Variants in MBTPS1 observed in about 807,000 individuals in gnomAD.
MBTPS1 encodes the protein membrane-bound transcription factor site-1 protease.
MBTPS1 carries 94 observed loss-of-function variants against 127.8 expected under a neutral mutation model. The ratio of observed to expected loss-of-function variants is 0.74; its 90% confidence interval spans 0.62 to 0.87. The LOEUF is 0.87. MBTPS1 is among the 40% of genes least tolerant of loss of function. The probability of loss-of-function intolerance (pLI) is 0.00; values close to 1 mark genes in which losing one functional copy is unlikely to be tolerated. For synonymous variants in MBTPS1, 632 were observed against 509.4 expected (o/e 1.24, Z -3.24); for missense variants, 1,636 against 1,353.2 (o/e 1.21, Z -3.28).
intron 19 of MBTPS1, among the ~76,000 whole-genome samples, chr16:84,062,037 A>G (rs1214370143): frequency 1.3e-5 from 2 of 152,204 alleles, no homozygotes; most frequent in Non-Finnish European, 2.9e-5. Flanking sequence ...TTACCAGGAG[A>G]TCTCAGGTCT....
At chr16:84,086,276 G>A (rs2086023212) in intron 9 of MBTPS1, 1 of 151,876 alleles carries the variant, frequency 6.6e-6, no homozygotes, top group African/African-American at 2.4e-5. Flanking sequence ...TTTACACGGG[G>A]AGCTGGGGAC....
chr16:84,078,731 C>T (rs1449635681), intron 11 of MBTPS1, among the ~76,000 whole-genome samples: 1 of 152,194 alleles, frequency 6.6e-6, no homozygotes, highest in Non-Finnish European at 1.5e-5. Flanking sequence ...AATCTCTACG[C>T]ACTGACGTGG....
chr16:84,059,287 C>A lies in MBTPS1; in HGVS notation c.2831+15G>T, dbSNP rs746984005. The A allele has an allele frequency of 1.9e-6, 3 of 1,609,262 alleles. No individual in the cohort carries two copies. Among genetic ancestry groups the A allele is most frequent in the Non-Finnish European group, 2.5e-6 (3 of 1,176,648 alleles). The stretch of plus-strand genomic sequence containing the variant: ...GCCCCGTGGAAAGAGTGGAAGGGCA[C>A]AGGCGGACACTAACCTGGGCGCCGT... On this transcript the variant is annotated intron_variant, in intron 21 of 22. Transcript: ENST00000343411.
At chr16:84,082,855 T>C (rs2085961115) in intron 10 of MBTPS1, among the ~76,000 whole-genome samples, 1 of 152,184 alleles carries the variant, frequency 6.6e-6, no homozygotes, top group East Asian at 1.9e-4. Context: ...AAGGGTTGCG[T>C]TCCACTGCCT....
chr16:84,116,512 C>G (rs991161784), intron 1 of MBTPS1, among the ~76,000 whole-genome samples: 2 of 152,230 alleles, frequency 1.3e-5, no homozygotes, highest in Admixed American at 6.5e-5. Flanking sequence ...GAAAACCAGG[C>G]AACGGAACAA....
At chr16:84,076,298 T>G (rs2085853873) in intron 11 of MBTPS1, among the ~76,000 whole-genome samples, 1 of 152,020 alleles carries the variant, frequency 6.6e-6, no homozygotes, top group Admixed American at 6.6e-5. Flanking sequence ...TATACATATA[T>G]ATATAGATAT....
chr16:84,114,336 C>G (rs1026924880), intron 1 of MBTPS1, among the ~76,000 whole-genome samples: 7 of 152,194 alleles, frequency 4.6e-5, no homozygotes, highest in Non-Finnish European at 1.0e-4. Context: ...ATCAGGTGGT[C>G]TTGTATTAAA....
At chr16:84,089,989 C>A (rs145510792) in intron 8 of MBTPS1, among the ~76,000 whole-genome samples, 283 of 152,332 alleles carry the variant, frequency 1.9e-3, no homozygotes, top group African/African-American at 5.6e-3. Context: ...ATACGTATCA[C>A]TGATGCGACA....
At chr16:84,070,122 A>G in intron 13 of MBTPS1, 84 bp from the exon 14 acceptor site, 2 of 1,145,306 alleles carry the variant, frequency 1.7e-6, no homozygotes, top group Non-Finnish European at 2.5e-6. Context: ...TCTATTTATC[A>G]ACTTAACCTA....
chr16:84,093,941 G>C, intron 4 of MBTPS1, 120 bp from the exon 5 acceptor site: 1 of 731,206 alleles, frequency 1.4e-6, no homozygotes, highest in South Asian at 1.6e-5. Flanking sequence ...GAAGGCCAAA[G>C]CTGCTCAGAG....
chr16:84,087,363 T>C lies in MBTPS1; in HGVS notation c.1129A>G (p.Thr377Ala). Residue 377 changes from threonine to alanine, a missense_variant, in exon 9 of 23, where the codon ACC becomes GCC. Physicochemically the swap from Thr to Ala is moderately conservative, Grantham distance 58. Transcript: ENST00000343411. ...TTTAGCAAAGAAGAGCGTACCCAGGTAGTCATTCCCCTTGAAGAAAAGCGG... is the reference window on the plus strand; with the variant it reads ...TTTAGCAAAGAAGAGCGTACCCAGGCAGTCATTCCCCTTGAAGAAAAGCGG... ...IARFSSRGMTTWELPGGYGRM... is the reference protein window; with the variant it reads ...IARFSSRGMTAWELPGGYGRM... 1 of 1,610,218 alleles carries C rather than the reference T, an allele frequency of 6.2e-7. No individual in the cohort carries two copies. The highest frequency in any genetic ancestry group is 8.5e-7 in the Non-Finnish European group (1 of 1,177,250).
At chr16:84,057,388 C>T (rs965643221) in intron 21 of MBTPS1, 1 of 152,214 alleles carries the variant, frequency 6.6e-6, no homozygotes, top group Non-Finnish European at 1.5e-5. Context: ...GAATCTCATT[C>T]TTTGGTGATG....
rs2085949302 is a variant in MBTPS1 at position 84,081,995 on chromosome 16, C to A, written c.1287-87G>T. On this transcript the variant is annotated intron_variant, in intron 10 of 22. Coordinates refer to ENST00000343411, the MANE Select transcript of MBTPS1 (RefSeq NM_003791.4). ...AAAACCTAACCTACAAACGTGCACA[C>A]AAGAGGCCTGCAGTCTTGTTTAGTA... 6 of 997,190 alleles carry A rather than the reference C, an allele frequency of 6.0e-6. No individual in the cohort carries two copies. In the East Asian group the frequency reaches 1.6e-4, roughly 26 times the overall value. 61.8% of individuals were successfully genotyped at this position (997,190 alleles called of 1,614,324 possible). A position where few individuals can be genotyped will look rare whatever the true frequency, so the allele number is the denominator to read the frequency against.
intron 21 of MBTPS1, among the ~76,000 whole-genome samples, chr16:84,058,214 A>G (rs2085548727): frequency 6.6e-6 from 1 of 152,258 alleles, no homozygotes; most frequent in South Asian, 2.1e-4. Flanking sequence ...AAATGAAGAC[A>G]TACGGTCAGT....
rs757733827 is a variant in MBTPS1, at chr16:84,085,110, T to C, written c.1159A>G (p.Met387Val). ...CCATAGGTGACAATGTCAGGTTTCA[T>C]GCGACCGTAGCCTCCTGGTAGCTCC... ...TWELPGGYGR[M>V]KPDIVTYGAG... The change falls in exon 10 of 23, where the codon ATG becomes GTG. Residue 387 changes from methionine to valine, a missense_variant. Met to Val is a conservative substitution (Grantham distance 21, BLOSUM62 1). Coordinates refer to ENST00000343411, the MANE Select transcript of MBTPS1 (RefSeq NM_003791.4). 5.6e-5 allele frequency: 90 copies of C among 1,614,116 alleles called. No homozygotes were observed. The Admixed American group carries it at 1.5e-3, about 27-fold the overall frequency.
chr16:84,076,443 T>G (rs1184422311), intron 11 of MBTPS1, among the ~76,000 whole-genome samples: 1 of 152,184 alleles, frequency 6.6e-6, no homozygotes, highest in East Asian at 1.9e-4. Context: ...TACCAGCCCA[T>G]GCAACTAGAC....
rs1160026684 is a variant in MBTPS1, at chr16:84,101,771, T to A, written c.13A>T (p.Asn5Tyr). Residue 5 changes from asparagine to tyrosine, a missense_variant, in exon 2 of 23, where the codon AAC becomes TAC. By Grantham distance (143) the Asn-to-Tyr change is moderately radical. Coordinates refer to ENST00000343411, the MANE Select transcript of MBTPS1 (RefSeq NM_003791.4). Reference sequence around the variant, plus strand: ...ACCACGAGCAGAAGCAGCCAGATGTTGACAAGCTTCATGGTCACAAGCGAA... The same window carrying A: ...ACCACGAGCAGAAGCAGCCAGATGTAGACAAGCTTCATGGTCACAAGCGAA... MKLV[N>Y]IWLLLLVVLL... 6.2e-7 allele frequency: 1 copy of A among 1,612,962 alleles called. No individual in the cohort carries two copies.
In MBTPS1 at chr16:84,095,990, G is replaced by A. The variant is rs184297678; in HGVS notation, c.422-185C>T. Among the ~76,000 whole-genome samples, 1,172 of 152,166 alleles carry A rather than the reference G, an allele frequency of 7.7e-3. 20 individuals carry two copies. The highest frequency in any genetic ancestry group is 8.0e-3 in the Non-Finnish European group (543 of 68,014). On this transcript the variant is annotated intron_variant, in intron 3 of 22. Coordinates refer to ENST00000343411, the MANE Select transcript of MBTPS1 (RefSeq NM_003791.4). ...AATTATAATTATAGGACGTTATTTA[G>A]CTGTCATATTACTCCCAAATAGTTC...
intron 11 of MBTPS1, among the ~76,000 whole-genome samples, chr16:84,079,778 G>A (rs1323406966): frequency 2.6e-5 from 4 of 152,232 alleles, no homozygotes; most frequent in Non-Finnish European, 5.9e-5. Flanking sequence ...GATACTGGCT[G>A]GAACCTGGAG....
Sources: allele counts gnomAD v4.1 joint callset (sites outside exome capture counted in the v4.1 genomes callset), GRCh38; gene constraint gnomAD v4.1.1; transcripts MANE v1.5; gene names NCBI Gene and HGNC (gene_info 2026-07-23, HGNC 2026-07-21).